The following SAMD4A variants were observed in gnomAD, a reference collection of about 807,000 sequenced individuals.
SAMD4A encodes the protein protein Smaug homolog 1.
Under a neutral mutation model 81.3 loss-of-function variants are expected in SAMD4A, and 33 were observed. The ratio of observed to expected loss-of-function variants is 0.41; its 90% CI spans 0.31 to 0.54. The LOEUF (loss-of-function observed/expected upper bound fraction) is 0.54. Ranked by LOEUF, SAMD4A falls within the 20% of genes least tolerant of loss-of-function variation. The pLI, the probability that SAMD4A is intolerant of heterozygous loss-of-function variation, is 0.37. For missense variants in SAMD4A, 854 were observed against 951.1 expected, an observed-to-expected ratio of 0.90 and a Z score of 1.34; for synonymous variants, 389 against 382.1, an observed-to-expected ratio of 1.02 and a Z score of -0.21.
chr14:54,634,109 A>T (rs2034970642), intron 2 of SAMD4A, among the ~76,000 whole-genome samples: 1 of 152,036 alleles, frequency 6.6e-6, no homozygotes, highest in Non-Finnish European at 1.5e-5. Flanking sequence ...AAGATGGTGA[A>T]ACCCTGTCTG....
At chr14:54,628,975 C>A (rs1407036819) in intron 2 of SAMD4A, among the ~76,000 whole-genome samples, 23 of 152,088 alleles carry the variant, frequency 1.5e-4, no homozygotes, top group Admixed American at 2.6e-4. Context: ...CCCAGAATGT[C>A]AAAGTTCTAA....
At chr14:54,772,761 C>A (rs1318340096) in intron 9 of SAMD4A, among the ~76,000 whole-genome samples, 1 of 152,060 alleles carries the variant, frequency 6.6e-6, no homozygotes, top group Non-Finnish European at 1.5e-5. Flanking sequence ...GAATCATCTA[C>A]CAGGTGGCCA....
intron 2 of SAMD4A, among the ~76,000 whole-genome samples, chr14:54,585,645 T>G (rs1326402690): frequency 6.6e-6 from 1 of 152,174 alleles, no homozygotes; most frequent in South Asian, 2.1e-4. Context: ...CTTATGTCTT[T>G]GCATTCACAT....
Position 54,770,373 on chromosome 14 carries a change from G to A in SAMD4A, c.1715+151G>A, listed in dbSNP as rs540741711. 645 of 633,300 alleles carry A rather than the reference G, an allele frequency of 1.0e-3. 10 individuals carry two copies. In the South Asian group the frequency reaches 0.013, roughly 13 times the overall value. The allele number at this position is 633,300 out of a possible 1,614,324, so 39.2% of individuals were successfully genotyped here. A position where few individuals can be genotyped will look rare whatever the true frequency, so the allele number is the denominator to read the frequency against. On this transcript the variant is annotated intron_variant, in intron 9 of 12. Transcript: ENST00000554335. The stretch of plus-strand genomic sequence containing the variant: ...GTTCCAAATTGCATTGCTTAAACAG[G>A]TGGGGCTGGGAAAAGGCTGTGAGAG...
At chr14:54,642,868 C>T (rs1413463422) in intron 2 of SAMD4A, among the ~76,000 whole-genome samples, 1 of 152,156 alleles carries the variant, frequency 6.6e-6, no homozygotes, top group Non-Finnish European at 1.5e-5. Context: ...CTGAGAGCTG[C>T]GTTACACAGT....
chr14:54,701,634 G>T (rs973418884), intron 2 of SAMD4A, among the ~76,000 whole-genome samples: 1 of 152,208 alleles, frequency 6.6e-6, no homozygotes, highest in Non-Finnish European at 1.5e-5. Context: ...ACAGATGTCT[G>T]GGGGAGGTGA....
intron 2 of SAMD4A, among the ~76,000 whole-genome samples, chr14:54,684,439 A>T (rs1314572309): frequency 6.6e-6 from 1 of 152,218 alleles, no homozygotes; most frequent in Non-Finnish European, 1.5e-5. Context: ...GAGGCGGGTG[A>T]GCCCATTGTG....
intron 4 of SAMD4A, among the ~76,000 whole-genome samples, chr14:54,737,649 C>T (rs1481471282): frequency 6.7e-6 from 1 of 150,346 alleles, no homozygotes; most frequent in African/African-American, 2.4e-5. Flanking sequence ...CTGCTCCAAC[C>T]TTGTACCTCA....
intron 2 of SAMD4A, among the ~76,000 whole-genome samples, chr14:54,612,986 A>G (rs1177414767): frequency 6.6e-6 from 1 of 152,058 alleles, no homozygotes; most frequent in Non-Finnish European, 1.5e-5. Flanking sequence ...GCATGGTGGC[A>G]TGCACCTGTA....
intron 3 of SAMD4A, among the ~76,000 whole-genome samples, chr14:54,734,458 C>T (rs2037639814): frequency 6.6e-6 from 1 of 152,076 alleles, no homozygotes; most frequent in Non-Finnish European, 1.5e-5. Context: ...AGGAAAAGAC[C>T]CTGGCACCTC....
At chr14:54,731,561 G>T (rs929765119) in intron 3 of SAMD4A, among the ~76,000 whole-genome samples, 2 of 152,120 alleles carry the variant, frequency 1.3e-5, no homozygotes, top group African/African-American at 4.8e-5. Context: ...CCCCTAAATT[G>T]CTATGACTTA....
intron 2 of SAMD4A, among the ~76,000 whole-genome samples, chr14:54,645,916 C>G (rs2035277521): frequency 6.6e-6 from 1 of 152,162 alleles, no homozygotes; most frequent in African/African-American, 2.4e-5. Flanking sequence ...TTCTGTGATT[C>G]TTTTGCTTCG....
At chr14:54,728,227 A>G (rs930769377) in intron 3 of SAMD4A, among the ~76,000 whole-genome samples, 1 of 152,242 alleles carries the variant, frequency 6.6e-6, no homozygotes, top group African/African-American at 2.4e-5. Context: ...TAAATGAAAA[A>G]TGCAGTGCCA....
chr14:54,641,664 C>A (rs926184655), intron 2 of SAMD4A, among the ~76,000 whole-genome samples: 23 of 152,108 alleles, frequency 1.5e-4, no homozygotes, highest in African/African-American at 4.6e-4. Context: ...AGAGGCAAAC[C>A]CAATATTCAC....
intron 4 of SAMD4A, among the ~76,000 whole-genome samples, chr14:54,745,972 A>G (rs1464679145): frequency 6.6e-6 from 1 of 152,234 alleles, no homozygotes; most frequent in Non-Finnish European, 1.5e-5. Flanking sequence ...ATTGCATCCA[A>G]CAATGTGGCA....
intron 2 of SAMD4A, among the ~76,000 whole-genome samples, chr14:54,630,904 T>TTATA (rs199748830): frequency 1.3e-5 from 1 of 76,482 alleles, no homozygotes; most frequent in Non-Finnish European, 2.8e-5. Context: ...ATCTTGTATT[T>TTATA]TATATGTGTG....
chr14:54,774,891 A>G (rs1017688910), intron 9 of SAMD4A, 43 bp from the exon 10 acceptor site: 1 of 1,605,550 alleles, frequency 6.2e-7, no homozygotes. Flanking sequence ...AAAAGGGCTG[A>G]ATAACGACTG....
chr14:54,724,034 A>AAGGAAGGAAGGAAGGAAGGAAGGC (rs1566604926), intron 3 of SAMD4A, among the ~76,000 whole-genome samples: 1 of 151,734 alleles, frequency 6.6e-6, no homozygotes, highest in Admixed American at 6.6e-5. Context: ...GGAAGGAAGG[A>AAGGAAGGAAGGAAGGAAGGAAGGC]AGGAAGGAAG....
At chr14:54,771,931 A>T (rs2038716701) in intron 9 of SAMD4A, among the ~76,000 whole-genome samples, 1 of 152,192 alleles carries the variant, frequency 6.6e-6, no homozygotes. Context: ...TGTTAGTAAC[A>T]CTTGGATTGG....
Sources: allele counts gnomAD v4.1 joint callset (sites outside exome capture counted in the v4.1 genomes callset), GRCh38; gene constraint gnomAD v4.1.1; transcripts MANE v1.5; gene names NCBI Gene and HGNC (gene_info 2026-07-23, HGNC 2026-07-21).